Variants in TNNI3K observed in about 807,000 individuals in gnomAD.
The protein encoded by TNNI3K is serine/threonine-protein kinase TNNI3K.
TNNI3K carries 140 observed loss-of-function variants against 114.5 expected under a neutral mutation model. The observed-to-expected ratio is 1.22, with a 90% confidence interval of 1.07 to 1.41. The LOEUF (loss-of-function observed/expected upper bound fraction) is 1.41, where lower values mean the gene tolerates loss of function less well. Ranked by LOEUF, TNNI3K falls within the 40% of genes most tolerant of loss-of-function variation. The pLI, the probability that TNNI3K is intolerant of heterozygous loss-of-function variation, is 0.00. For missense variants in TNNI3K, 1,125 were observed against 1,007.6 expected (o/e 1.12, Z -1.58); for synonymous variants, 347 against 347.5 (o/e 1.00, Z 0.02).
chr1:74,381,708 C>T (rs1663212256), intron 17 of TNNI3K, among the ~76,000 whole-genome samples: 1 of 152,048 alleles, frequency 6.6e-6, no homozygotes, highest in East Asian at 1.9e-4. Context: ...GTCTGATACT[C>T]CCATTAGACA....
chr1:74,325,852 GCT>G (rs1659871550), intron 5 of TNNI3K, among the ~76,000 whole-genome samples: 1 of 152,172 alleles, frequency 6.6e-6, no homozygotes, highest in African/African-American at 2.4e-5. Context: ...CAACTTTCAT[GCT>G]AATGTCTTTA....
chr1:74,354,992 T>G (rs554394851), intron 11 of TNNI3K, among the ~76,000 whole-genome samples: 18 of 152,194 alleles, frequency 1.2e-4, no homozygotes, highest in Non-Finnish European at 2.4e-4. Flanking sequence ...GAGATATATT[T>G]GCCTCATAAG....
At chr1:74,255,159 C>A (rs1454076592) in intron 4 of TNNI3K, among the ~76,000 whole-genome samples, 1 of 151,912 alleles carries the variant, frequency 6.6e-6, no homozygotes, top group Non-Finnish European at 1.5e-5. Context: ...TCGAGACCAT[C>A]CCGGCTAAAA....
At chr1:74,474,027 T>C (rs2100744204) in intron 21 of TNNI3K, among the ~76,000 whole-genome samples, 1 of 152,286 alleles carries the variant, frequency 6.6e-6, no homozygotes, top group East Asian at 1.9e-4. Flanking sequence ...TCTCTAGTTC[T>C]GGTACAATGC....
chr1:74,488,206 T>C (rs966088861), intron 21 of TNNI3K, among the ~76,000 whole-genome samples: 3 of 152,082 alleles, frequency 2.0e-5, no homozygotes, highest in Non-Finnish European at 4.4e-5. Flanking sequence ...GGAGAAACCA[T>C]TTGGAAGTAG....
intron 4 of TNNI3K, among the ~76,000 whole-genome samples, chr1:74,262,374 C>G (rs1225695307): frequency 6.6e-6 from 1 of 151,962 alleles, no homozygotes; most frequent in Non-Finnish European, 1.5e-5. Context: ...AAAATCACTC[C>G]CAGTTGAGAA....
chr1:74,387,856 A>T (rs1418718536), intron 17 of TNNI3K, among the ~76,000 whole-genome samples: 1 of 152,186 alleles, frequency 6.6e-6, no homozygotes, highest in Non-Finnish European at 1.5e-5. Context: ...CACATAGTAG[A>T]TATTCAATAA....
At chr1:74,366,138 T>A (rs182442995) in intron 11 of TNNI3K, among the ~76,000 whole-genome samples, 2 of 152,146 alleles carry the variant, frequency 1.3e-5, no homozygotes, top group African/African-American at 4.8e-5. Flanking sequence ...AGATGTATGC[T>A]TAACCCATGT....
rs559987556 is a variant in TNNI3K at position 74,357,277 on chromosome 1, T to A, written c.1177+3148T>A. 3.9e-5 allele frequency among the ~76,000 whole-genome samples: 6 copies of A among 152,248 alleles called. No homozygotes were observed. The South Asian group carries it at 1.2e-3, about 32-fold the overall frequency. On this transcript the variant is annotated intron_variant, in intron 11 of 24. Transcript: ENST00000326637. ...GTACCCTATCCTATCCCGGGAGAGA[T>A]AAACAAGAAGGGAGCTTCACAATCA... is the stretch of plus-strand genomic sequence containing the variant.
At position 74,369,396 on chromosome 1, in the gene TNNI3K, G is replaced by A. The variant is rs200077374; in HGVS notation, c.1478G>A (p.Arg493Gln). ...TCTGTTGCTGCCATTTCCAGTTATC[G>A]AGCCAATACCTACTGCTCCAAGTCA... The part of the protein sequence containing the change: ...RNKIVAIKRY[R>Q]ANTYCSKSDV... The change falls in exon 16 of 25, where the codon CGA (arginine) becomes CAA (glutamine). Residue 493 changes from arginine (R) to glutamine (Q), a missense_variant. Coordinates refer to ENST00000326637, the MANE Select transcript of TNNI3K (RefSeq NM_015978.3). 1.5e-5 allele frequency: 24 copies of A among 1,607,832 alleles called. No individual in the cohort carries two copies. Among genetic ancestry groups the A allele is most frequent in the African/African-American group, 1.1e-4 (8 of 74,546 alleles).
chr1:74,533,909 A>T (rs534349474), intron 23 of TNNI3K, among the ~76,000 whole-genome samples: 32 of 152,344 alleles, frequency 2.1e-4, no homozygotes, highest in African/African-American at 7.5e-4. Context: ...TAGTAGAAAG[A>T]GTATGGAATG....
intron 17 of TNNI3K, among the ~76,000 whole-genome samples, chr1:74,384,243 A>G (rs1663359659): frequency 6.6e-6 from 1 of 152,168 alleles, no homozygotes; most frequent in South Asian, 2.1e-4. Context: ...TTAACACGCT[A>G]TTCCACAAGT....
intron 5 of TNNI3K, among the ~76,000 whole-genome samples, chr1:74,309,069 G>A (rs1168041257): frequency 6.6e-6 from 1 of 151,914 alleles, no homozygotes; most frequent in East Asian, 1.9e-4. Context: ...ATTCTTCCAG[G>A]TGTAAAAAGA....
chr1:74,426,090 G>A (rs932860200), intron 17 of TNNI3K, among the ~76,000 whole-genome samples: 3 of 152,088 alleles, frequency 2.0e-5, no homozygotes, highest in African/African-American at 7.2e-5. Flanking sequence ...TTTTTAACCT[G>A]CCCTTTTGCA....
intron 17 of TNNI3K, among the ~76,000 whole-genome samples, chr1:74,432,792 T>G (rs1292968789): frequency 2.6e-5 from 4 of 152,032 alleles, no homozygotes; most frequent in African/African-American, 4.8e-5. Context: ...TTTCCAGACA[T>G]CTAATTATAG....
intron 4 of TNNI3K, among the ~76,000 whole-genome samples, chr1:74,260,948 AGTTTGTAGC>A (rs1655626678): frequency 6.6e-6 from 1 of 152,094 alleles, no homozygotes. Flanking sequence ...CCAGTGTTAA[AGTTTGTAGC>A]TATACATTTA....
At chr1:74,351,374 AC>A in intron 9 of TNNI3K, among the ~76,000 whole-genome samples, 1 of 150,868 alleles carries the variant, frequency 6.6e-6, no homozygotes, top group Non-Finnish European at 1.5e-5. Flanking sequence ...GGGTAACCCA[AC>A]CTTTCTCTCT....
At chr1:74,266,291 T>C (rs1655982932) in intron 4 of TNNI3K, among the ~76,000 whole-genome samples, 2 of 152,040 alleles carry the variant, frequency 1.3e-5, no homozygotes, top group African/African-American at 4.8e-5. Flanking sequence ...TCATGTGCGA[T>C]GTACCTTCTC....
chr1:74,424,227 AAAG>A (rs1350511252), intron 17 of TNNI3K, among the ~76,000 whole-genome samples: 3 of 152,126 alleles, frequency 2.0e-5, no homozygotes, highest in Admixed American at 1.3e-4. Context: ...CTTTGGTTGA[AAAG>A]AAGGAGGGCT....
Sources: allele counts gnomAD v4.1 joint callset (sites outside exome capture counted in the v4.1 genomes callset), GRCh38; gene constraint gnomAD v4.1.1; transcripts MANE v1.5; gene names NCBI Gene and HGNC (gene_info 2026-07-23, HGNC 2026-07-21).